UGT8: variants seen among roughly 807,000 people sequenced by gnomAD.
UGT8 encodes the protein 2-hydroxyacylsphingosine 1-beta-galactosyltransferase.
UGT8 carries 12 observed loss-of-function variants against 40.5 expected under a neutral mutation model. That is an observed-to-expected ratio of 0.30 (90% CI 0.19 to 0.48). The LOEUF (loss-of-function observed/expected upper bound fraction) is 0.48. Ranked by LOEUF, UGT8 falls within the 20% of genes least tolerant of loss-of-function variation. UGT8 has a pLI of 0.99. For missense variants in UGT8, 513 were observed against 648.7 expected, an observed-to-expected ratio of 0.79 and a Z score of 2.27; for synonymous variants, 224 against 240.4, an observed-to-expected ratio of 0.93 and a Z score of 0.63.
chr4:114,638,041 A>G (rs138482571), intron 2 of UGT8, among the ~76,000 whole-genome samples: 5 of 152,340 alleles, frequency 3.3e-5, no homozygotes, highest in African/African-American at 1.2e-4. Flanking sequence ...TTACCATAGA[A>G]TACATATATG....
chr4:114,667,195 A>C (rs753547320), intron 4 of UGT8, among the ~76,000 whole-genome samples: 1 of 152,166 alleles, frequency 6.6e-6, no homozygotes, highest in Non-Finnish European at 1.5e-5. Context: ...CTCTGGGAGC[A>C]CCATTGAGAC....
intron 5 of UGT8, 89 bp from the exon 6 acceptor site, chr4:114,675,836 A>G: frequency 6.9e-7 from 1 of 1,440,974 alleles, no homozygotes; most frequent in Non-Finnish European, 9.2e-7. Flanking sequence ...TAGTTGTTTT[A>G]ATTATTTCCC....
In UGT8 at chr4:114,623,168, G is replaced by A. The variant is rs778209053; in HGVS notation, c.288G>A (p.Gly96=). 4.3e-5 allele frequency: 70 copies of A among 1,613,916 alleles called. No individual in the cohort carries two copies. The highest frequency in any genetic ancestry group is 5.7e-5 in the Non-Finnish European group (67 of 1,180,016). Residue 96 remains glycine (G), a synonymous_variant, in exon 2 of 6, where the codon GGG becomes GGA. Coordinates refer to ENST00000310836, the MANE Select transcript of UGT8 (RefSeq NM_001128174.3). The part of the protein sequence containing the change: ...LQSKMRNIFS[G]RLTAIELFDI... ...CCAAGATGCGGAATATTTTCTCTGG[G>A]AGATTGACAGCAATCGAACTGTTTG...
chr4:114,638,903 C>G (rs1399628938), intron 2 of UGT8, among the ~76,000 whole-genome samples: 1 of 152,184 alleles, frequency 6.6e-6, no homozygotes, highest in Non-Finnish European at 1.5e-5. Context: ...GAGGATTTCT[C>G]ACAGACTTTC....
chr4:114,660,622 G>A (rs1734458424), intron 2 of UGT8, among the ~76,000 whole-genome samples: 1 of 152,044 alleles, frequency 6.6e-6, no homozygotes. Flanking sequence ...GCTGGGCGTG[G>A]TGGCTTGTGC....
chr4:114,637,932 C>T lies in UGT8; in HGVS notation c.822+14230C>T, dbSNP rs146291134. Among the ~76,000 whole-genome samples the T allele has an allele frequency of 3.2e-3, 483 of 152,264 alleles. 3 individuals carry two copies. The highest frequency in any genetic ancestry group is 0.011 in the African/African-American group (451 of 41,556). On this transcript the variant is annotated intron_variant, in intron 2 of 5. Coordinates refer to ENST00000310836, the MANE Select transcript of UGT8 (RefSeq NM_001128174.3). ...TGCAAAATAAAGAGTTTGGGCTAAA[C>T]GAACCTTCAGAATTACAGGCTAAAA...
At position 114,657,353 on chromosome 4, in the gene UGT8, G is replaced by T. The variant is rs922418427; in HGVS notation, c.823-6642G>T. ...ACAATGAAGAAAAACCGATACTGCAGAATCTCAGTGGAAATGAATACACCC... is the reference window on the plus strand; with the variant it reads ...ACAATGAAGAAAAACCGATACTGCATAATCTCAGTGGAAATGAATACACCC... On this transcript the variant is annotated intron_variant, in intron 2 of 5. Transcript: ENST00000310836. Among the ~76,000 whole-genome samples the T allele has an allele frequency of 2.0e-5, 3 of 152,226 alleles. No individual in the cohort carries two copies. In the East Asian group the frequency reaches 5.8e-4, roughly 29 times the overall value.
At chr4:114,608,147 A>C (rs955136521) in intron 1 of UGT8, among the ~76,000 whole-genome samples, 2 of 152,004 alleles carry the variant, frequency 1.3e-5, no homozygotes, top group Non-Finnish European at 1.5e-5. Context: ...CCCCCGCTTG[A>C]GATGTCCTGC....
chr4:114,631,068 T>C (rs1304360420), intron 2 of UGT8, among the ~76,000 whole-genome samples: 1 of 152,166 alleles, frequency 6.6e-6, no homozygotes, highest in African/African-American at 2.4e-5. Flanking sequence ...CAAAAAAGCC[T>C]TAGTAGTTTC....
In UGT8 at chr4:114,668,233, A is replaced by G. The variant is rs1165243891; in HGVS notation, c.1191A>G (p.Ile397Met). 3 of 1,613,874 alleles carry G rather than the reference A, an allele frequency of 1.9e-6. No homozygotes were observed. The South Asian group carries it at 3.3e-5, about 18-fold the overall frequency. The change falls in exon 5 of 6, where the codon ATA becomes ATG. Residue 397 changes from isoleucine to methionine, a missense_variant. Physicochemically the swap from Ile to Met is conservative, Grantham distance 10 (BLOSUM62 1). Coordinates refer to ENST00000310836, the MANE Select transcript of UGT8 (RefSeq NM_001128174.3). ...MTRVQAKGMG[I>M]LLEWKTVTEK... ...GAGTACAGGCAAAAGGCATGGGGAT[A>G]TTGCTAGAATGGAAGACAGTTACTG...
intron 1 of UGT8, among the ~76,000 whole-genome samples, chr4:114,612,134 G>A (rs918383192): frequency 1.3e-5 from 2 of 151,884 alleles, no homozygotes; most frequent in African/African-American, 2.4e-5. Context: ...ACCTAAACTC[G>A]TATCTTATTT....
intron 2 of UGT8, among the ~76,000 whole-genome samples, chr4:114,638,654 C>T (rs1560688315): frequency 1.3e-5 from 2 of 152,214 alleles, no homozygotes; most frequent in Non-Finnish European, 2.9e-5. Flanking sequence ...GCTCCTTCCT[C>T]CTAACATGAC....
chr4:114,639,054 T>A (rs1351384627), intron 2 of UGT8, among the ~76,000 whole-genome samples: 1 of 152,240 alleles, frequency 6.6e-6, no homozygotes, highest in African/African-American at 2.4e-5. Flanking sequence ...GAGACTCCAT[T>A]AGATGCTGGA....
Position 114,676,027 on chromosome 4 carries a change from T to C in UGT8, c.1365T>C (p.Asn455=). Residue 455 remains asparagine, a synonymous_variant, in exon 6 of 6, where the codon AAT becomes AAC. Coordinates refer to ENST00000310836, the MANE Select transcript of UGT8 (RefSeq NM_001128174.3). The part of the protein sequence containing the change: ...IYWIDYIIRH[N]GAHHLRAAVH... The stretch of plus-strand genomic sequence containing the variant: ...GGATAGATTATATTATTCGTCACAA[T>C]GGAGCCCATCACCTACGTGCCGCTG... 1.2e-6 allele frequency: 2 copies of C among 1,614,236 alleles called. No homozygotes were observed. The highest frequency in any genetic ancestry group is 8.5e-7 in the Non-Finnish European group (1 of 1,180,046).
At chr4:114,614,741 G>T (rs1731295656) in intron 1 of UGT8, among the ~76,000 whole-genome samples, 1 of 151,576 alleles carries the variant, frequency 6.6e-6, no homozygotes, top group African/African-American at 2.4e-5. Flanking sequence ...GGAGGATTTT[G>T]AAAATCTAGA....
chr4:114,648,722 G>A (rs538074827), intron 2 of UGT8, among the ~76,000 whole-genome samples: 16 of 152,262 alleles, frequency 1.1e-4, no homozygotes, highest in African/African-American at 3.6e-4. Flanking sequence ...ATTTCTTTAT[G>A]TATATCATTG....
At chr4:114,622,694 G>A (rs371504264) in intron 1 of UGT8, 185 bp from the exon 2 acceptor site, 39 of 546,450 alleles carry the variant, frequency 7.1e-5, no homozygotes, top group African/African-American at 6.5e-4. Flanking sequence ...GCCAGTGATG[G>A]TGAGCATTTT....
intron 2 of UGT8, among the ~76,000 whole-genome samples, chr4:114,660,698 C>T (rs540562308): frequency 4.9e-4 from 74 of 152,078 alleles, no homozygotes; most frequent in Middle Eastern, 3.4e-3. Flanking sequence ...CAAGACCATC[C>T]TGGCTAACAC....
intron 1 of UGT8, among the ~76,000 whole-genome samples, chr4:114,608,767 G>A (rs889521435): frequency 4.6e-5 from 7 of 151,940 alleles, no homozygotes; most frequent in Non-Finnish European, 8.8e-5. Context: ...AAATAATCAC[G>A]GTGATAATTA....
Sources: gnomAD v4.1 joint callset for allele counts (sites outside exome capture counted in the v4.1 genomes callset) on GRCh38, gnomAD v4.1.1 for gene constraint, MANE v1.5 for transcripts, NCBI Gene and HGNC (gene_info 2026-07-23, HGNC 2026-07-21) for gene names.